ZNF536: variants seen among roughly 807,000 people sequenced by gnomAD.
The protein encoded by ZNF536 is zinc finger protein 536.
A neutral mutation model predicts 84.5 loss-of-function variants in ZNF536; 13 were observed. That is an observed-to-expected ratio of 0.15 (90% CI 0.10 to 0.24). The LOEUF is 0.24. ZNF536 is among the 10% of genes least tolerant of loss of function. The probability of loss-of-function intolerance (pLI) is 1.00; values close to 1 mark genes in which losing one functional copy is unlikely to be tolerated. For synonymous variants in ZNF536, 811 were observed against 742.5 expected (o/e 1.09, Z -1.50); for missense variants, 1,536 against 1,747.5 (o/e 0.88, Z 2.16).
intron 1 of ZNF536, among the ~76,000 whole-genome samples, chr19:30,585,546 C>A (rs2047066970): frequency 6.6e-6 from 1 of 152,200 alleles, no homozygotes; most frequent in Non-Finnish European, 1.5e-5. Flanking sequence ...TAGCTGGGCA[C>A]TGAGAAAGTG....
At chr19:30,518,847 T>C (rs1302708968) in intron 2 of ZNF536, among the ~76,000 whole-genome samples, 1 of 149,880 alleles carries the variant, frequency 6.7e-6, no homozygotes, top group Non-Finnish European at 1.5e-5. Context: ...CAAAAAGGAG[T>C]GAACCAGGGC....
chr19:30,470,994 T>C (rs1440733033), intron 2 of ZNF536, among the ~76,000 whole-genome samples: 1 of 151,858 alleles, frequency 6.6e-6, no homozygotes, highest in Non-Finnish European at 1.5e-5. Context: ...GGCCTTTTTT[T>C]TTTTTTTTTA....
chr19:30,599,090 CCT>C (rs530793157), intron 1 of ZNF536, among the ~76,000 whole-genome samples: 3 of 131,222 alleles, frequency 2.3e-5, no homozygotes, highest in Non-Finnish European at 3.3e-5. Flanking sequence ...CTCTTTCCCT[CCT>C]CTCTCTCTCC....
At chr19:30,672,121 T>C (rs550757805) in intron 1 of ZNF536, among the ~76,000 whole-genome samples, 10 of 152,378 alleles carry the variant, frequency 6.6e-5, no homozygotes, top group Admixed American at 5.9e-4. Flanking sequence ...CAAAACAAGA[T>C]AGATTACTTG....
intron 1 of ZNF536, among the ~76,000 whole-genome samples, chr19:30,423,129 C>CCATCCATG (rs147560282): frequency 0.41 from 44,700 of 108,380 alleles, 12,420 homozygotes; most frequent in Non-Finnish European, 0.52. Context: ...ATGCATCCAT[C>CCATCCATG]CATCCATCCA....
At chr19:30,334,880 C>T (rs1428667643) in intron 2 of ZNF536, among the ~76,000 whole-genome samples, 2 of 152,218 alleles carry the variant, frequency 1.3e-5, no homozygotes, top group Non-Finnish European at 2.9e-5. Flanking sequence ...AACCTAGATC[C>T]CTTGCATGCG....
At chr19:30,665,072 C>T (rs1214753019) in intron 1 of ZNF536, among the ~76,000 whole-genome samples, 3 of 152,206 alleles carry the variant, frequency 2.0e-5, no homozygotes, top group Non-Finnish European at 4.4e-5. Context: ...GGCCAGGCGC[C>T]GTGGCTCATG....
intron 1 of ZNF536, among the ~76,000 whole-genome samples, chr19:30,631,100 G>C (rs1012786253): frequency 6.6e-6 from 1 of 152,188 alleles, no homozygotes; most frequent in African/African-American, 2.4e-5. Context: ...GGGCCGTGCA[G>C]CCGGGCACTC....
intron 2 of ZNF536, among the ~76,000 whole-genome samples, chr19:30,519,020 C>T (rs984075950): frequency 6.6e-6 from 1 of 152,230 alleles, no homozygotes; most frequent in Non-Finnish European, 1.5e-5. Flanking sequence ...CCCCCAAGAA[C>T]ATACATCTGG....
chr19:30,583,207 C>T (rs1198531955), intron 1 of ZNF536, among the ~76,000 whole-genome samples: 1 of 152,184 alleles, frequency 6.6e-6, no homozygotes, highest in Non-Finnish European at 1.5e-5. Context: ...GAAGGAGTTC[C>T]TGGTCTCTGA....
Position 30,304,271 on chromosome 19 carries a change from A to T in ZNF536, c.-120+20130A>T, listed in dbSNP as rs372260159. The stretch of plus-strand genomic sequence containing the variant: ...TCTTCATCTCAGGCCTTCCTCTGAG[A>T]AAACGGCGCAGACGAAGGCCAGTTC... On this transcript the variant is annotated intron_variant, in intron 2 of 5. Transcript: ENST00000585628. Among the ~76,000 whole-genome samples, 74 of 152,344 alleles carry T rather than the reference A, an allele frequency of 4.9e-4. 3 individuals carry two copies. In the South Asian group the frequency reaches 0.015, roughly 30 times the overall value.
intron 1 of ZNF536, among the ~76,000 whole-genome samples, chr19:30,429,738 G>T (rs1375291757): frequency 6.6e-6 from 1 of 152,166 alleles, no homozygotes; most frequent in African/African-American, 2.4e-5. Context: ...TGCCTGGTGT[G>T]CAGTGGAGAG....
chr19:30,587,806 C>CTGTA, intron 1 of ZNF536, among the ~76,000 whole-genome samples: 1 of 152,362 alleles, frequency 6.6e-6, no homozygotes, highest in African/African-American at 2.4e-5. Context: ...AGCCCGGAGC[C>CTGTA]TGCATGCATG....
At chr19:30,436,397 C>T (rs1268236696) in intron 1 of ZNF536, 2 of 650,510 alleles carry the variant, frequency 3.1e-6, no homozygotes, top group Non-Finnish European at 3.8e-6. Context: ...CACTCAGTAT[C>T]CTGCCCACCC....
Position 30,412,041 on chromosome 19 carries a change from TG to T in ZNF536, c.-2-31519del, listed in dbSNP as rs148658508. 7.0e-3 allele frequency among the ~76,000 whole-genome samples: 1,056 copies of T among 151,922 alleles called. 9 individuals are homozygous for T. The highest frequency in any genetic ancestry group is 0.024 in the African/African-American group (1,009 of 41,498). Reference sequence around the variant, plus strand: ...GAAATTTCCTCTGACAACTTACAATTGTTTTTTTTTATACAGGAAAGTGATC... The same window carrying T: ...GAAATTTCCTCTGACAACTTACAATTTTTTTTTTTATACAGGAAAGTGATC... On this transcript the variant is annotated intron_variant, in intron 1 of 4. Transcript: ENST00000355537.
intron 1 of ZNF536, among the ~76,000 whole-genome samples, chr19:30,606,840 T>C (rs1256157708): frequency 1.3e-5 from 2 of 152,138 alleles, no homozygotes; most frequent in Admixed American, 1.3e-4. Context: ...GGCTACATCA[T>C]GACCTCCATC....
intron 2 of ZNF536, among the ~76,000 whole-genome samples, chr19:30,310,303 T>A (rs1422462735): frequency 6.6e-6 from 1 of 152,222 alleles, no homozygotes. Flanking sequence ...TTTGTTCTGG[T>A]GTATTCTTAA....
chr19:30,499,092 A>G (rs1369076049), intron 2 of ZNF536, among the ~76,000 whole-genome samples: 1 of 150,378 alleles, frequency 6.6e-6, no homozygotes, highest in Non-Finnish European at 1.5e-5. Context: ...AAAATATGTC[A>G]TCTTAATAAA....
At chr19:30,421,238 C>T (rs1216436236) in intron 1 of ZNF536, among the ~76,000 whole-genome samples, 2 of 152,092 alleles carry the variant, frequency 1.3e-5, no homozygotes, top group Non-Finnish European at 2.9e-5. Context: ...AGGAAAACTC[C>T]ATCGGTTCCC....
Sources: gnomAD v4.1 joint callset for allele counts (sites outside exome capture counted in the v4.1 genomes callset) on GRCh38, gnomAD v4.1.1 for gene constraint, MANE v1.5 for transcripts, NCBI Gene and HGNC (gene_info 2026-07-23, HGNC 2026-07-21) for gene names.